MCC: variants seen among roughly 807,000 people sequenced by gnomAD.
MCC encodes colorectal mutant cancer protein.
MCC carries 90 observed loss-of-function variants against 116.2 expected under a neutral mutation model. The ratio of observed to expected loss-of-function variants is 0.77; its 90% confidence interval spans 0.65 to 0.92. The LOEUF is 0.92. Ranked by LOEUF, MCC falls within the 40% of genes least tolerant of loss-of-function variation. The pLI is 0.00. For synonymous variants in MCC, 578 were observed against 510.5 expected (o/e 1.13, Z -1.78); for missense variants, 1,516 against 1,312.2 (o/e 1.16, Z -2.40).
rs575073168 is a variant in MCC at position 113,131,107 on chromosome 5, G to A, written c.885-8281C>T. Among the ~76,000 whole-genome samples, 2 of 152,314 alleles carry A rather than the reference G, an allele frequency of 1.3e-5. 1 individual carries two copies. Among genetic ancestry groups the A allele is most frequent in the African/African-American group, 4.8e-5 (2 of 41,564 alleles). ...TGCCACACAGCAGCAGTGAGCTAAC[G>A]AGCAAAGGGGAGATGAAGCAGAGAA... On this transcript the variant is annotated intron_variant, in intron 5 of 18. Transcript: ENST00000408903.
At chr5:113,436,941 C>CT (rs1199811000) in intron 1 of MCC, 1 of 152,146 alleles carries the variant, frequency 6.6e-6, no homozygotes, top group Non-Finnish European at 1.5e-5. Flanking sequence ...CAATGTATAC[C>CT]TTACATACAC....
At chr5:113,481,467 G>A (rs931737464) in intron 1 of MCC, among the ~76,000 whole-genome samples, 39 of 152,078 alleles carry the variant, frequency 2.6e-4, no homozygotes, top group African/African-American at 7.9e-4. Flanking sequence ...GGCCAGGCGC[G>A]GTGGCTCACA....
intron 14 of MCC, among the ~76,000 whole-genome samples, chr5:113,060,645 T>C (rs1027384172): frequency 6.6e-6 from 1 of 152,212 alleles, no homozygotes; most frequent in Admixed American, 6.5e-5. Flanking sequence ...AAACATACAG[T>C]TCTTTTGAAA....
intron 3 of MCC, among the ~76,000 whole-genome samples, chr5:113,267,972 T>C (rs189159432): frequency 2.6e-5 from 4 of 152,314 alleles, no homozygotes; most frequent in East Asian, 1.9e-4. Flanking sequence ...GAATGGAAGA[T>C]GGATAAAAAC....
chr5:113,073,415 A>G (rs1440376478), intron 11 of MCC, among the ~76,000 whole-genome samples: 3 of 152,218 alleles, frequency 2.0e-5, no homozygotes, highest in African/African-American at 7.2e-5. Context: ...CATAATGTCA[A>G]TCAGATCTTG....
chr5:113,256,055 T>C (rs1764991278), intron 3 of MCC, among the ~76,000 whole-genome samples: 1 of 152,242 alleles, frequency 6.6e-6, no homozygotes. Flanking sequence ...TGAATGCATT[T>C]ATATTTTAAA....
intron 5 of MCC, among the ~76,000 whole-genome samples, chr5:113,131,209 T>C (rs1581124666): frequency 6.6e-6 from 1 of 152,196 alleles, no homozygotes; most frequent in Non-Finnish European, 1.5e-5. Context: ...ATAACCTCCT[T>C]GGGAAAGAAA....
chr5:113,161,857 T>C (rs890475540), intron 3 of MCC, among the ~76,000 whole-genome samples: 3 of 152,362 alleles, frequency 2.0e-5, no homozygotes, highest in African/African-American at 4.8e-5. Flanking sequence ...GATACTTTAA[T>C]ATGCATTATT....
At chr5:113,411,370 T>G (rs1769985901) in intron 1 of MCC, among the ~76,000 whole-genome samples, 1 of 152,228 alleles carries the variant, frequency 6.6e-6, no homozygotes, top group Non-Finnish European at 1.5e-5. Context: ...ATGATGAGCA[T>G]TTTTTCATGT....
At chr5:113,044,731 C>A (rs941372748) in intron 16 of MCC, among the ~76,000 whole-genome samples, 1 of 152,144 alleles carries the variant, frequency 6.6e-6, no homozygotes, top group South Asian at 2.1e-4. Context: ...TGTGCCACCA[C>A]GTCTGGCTAA....
chr5:113,292,578 C>CAA (rs34767261), intron 3 of MCC, among the ~76,000 whole-genome samples: 4 of 151,550 alleles, frequency 2.6e-5, no homozygotes, highest in Non-Finnish European at 4.4e-5. Context: ...TACAACTAGG[C>CAA]AAAAAAAATG....
chr5:113,268,070 A>G (rs1385280183), intron 3 of MCC, among the ~76,000 whole-genome samples: 1 of 152,192 alleles, frequency 6.6e-6, no homozygotes, highest in South Asian at 2.1e-4. Flanking sequence ...ATTGTAGCCA[A>G]CGAATCTTCT....
chr5:113,453,515 C>T (rs561708564), intron 1 of MCC, among the ~76,000 whole-genome samples: 1 of 152,210 alleles, frequency 6.6e-6, no homozygotes, highest in Non-Finnish European at 1.5e-5. Flanking sequence ...TCCTCCTCCA[C>T]CTCCCTCAGC....
At chr5:113,127,516 A>AT (rs1242096404) in intron 5 of MCC, among the ~76,000 whole-genome samples, 12 of 152,044 alleles carry the variant, frequency 7.9e-5, no homozygotes, top group Non-Finnish European at 1.2e-4. Context: ...AGCATCTGTT[A>AT]TTTTTTGACT....
At chr5:113,283,704 T>C (rs189177565) in intron 3 of MCC, among the ~76,000 whole-genome samples, 11 of 152,278 alleles carry the variant, frequency 7.2e-5, no homozygotes, top group Admixed American at 5.2e-4. Context: ...GCTCCAACAA[T>C]CTTTGTCAAT....
chr5:113,087,640 T>C (rs913781352), intron 8 of MCC, among the ~76,000 whole-genome samples: 7 of 152,200 alleles, frequency 4.6e-5, no homozygotes, highest in African/African-American at 7.2e-5. Context: ...TTTCAGTTTT[T>C]ACTGCTGATG....
intron 8 of MCC, among the ~76,000 whole-genome samples, chr5:113,092,164 T>C (rs563149532): frequency 9.2e-5 from 14 of 152,200 alleles, no homozygotes; most frequent in South Asian, 8.3e-4. Flanking sequence ...AATGTAAATG[T>C]AGCCTTGTAC....
At chr5:113,365,571 A>T (rs913863263) in intron 2 of MCC, among the ~76,000 whole-genome samples, 1 of 152,050 alleles carries the variant, frequency 6.6e-6, no homozygotes, top group Non-Finnish European at 1.5e-5. Context: ...AGCTACTTCC[A>T]CATTTTCAGG....
chr5:113,432,821 A>C (rs1279848345), intron 1 of MCC: 4 of 152,244 alleles, frequency 2.6e-5, no homozygotes, highest in African/African-American at 9.6e-5. Flanking sequence ...TGGGGAGTAA[A>C]TTAGCTACAA....
Sources: allele counts gnomAD v4.1 joint callset (sites outside exome capture counted in the v4.1 genomes callset), GRCh38; gene constraint gnomAD v4.1.1; transcripts MANE v1.5; gene names NCBI Gene and HGNC (gene_info 2026-07-23, HGNC 2026-07-21).